DCLK2: variants seen among roughly 807,000 people sequenced by gnomAD.
DCLK2 encodes the protein doublecortin like kinase 2.
In DCLK2, 31 loss-of-function variants were observed where a neutral mutation model predicts 78.4. The ratio of observed to expected loss-of-function variants is 0.40; its 90% CI spans 0.30 to 0.53. DCLK2 has a LOEUF of 0.53. DCLK2 is among the 20% of genes least tolerant of loss of function. DCLK2 has a pLI of 0.61. For synonymous variants in DCLK2, 407 were observed against 374.9 expected, an observed-to-expected ratio of 1.09 and a Z score of -0.99; for missense variants, 872 against 973.7, an observed-to-expected ratio of 0.90 and a Z score of 1.39.
chr4:150,214,970 AAAG>A (rs1160197734), intron 5 of DCLK2, among the ~76,000 whole-genome samples: 22 of 145,682 alleles, frequency 1.5e-4, no homozygotes, highest in African/African-American at 4.5e-4. Context: ...AAAAAAAAAA[AAAG>A]AAAGAAAATG....
Position 150,078,567 on chromosome 4 carries a change from A to G in DCLK2, c.-461A>G, listed in dbSNP as rs1580454513. 1 of 150,926 alleles carries G rather than the reference A, an allele frequency of 6.6e-6. No individual in the cohort carries two copies. The highest frequency in any genetic ancestry group is 2.0e-4 in the East Asian group (1 of 5,084). The allele number at this position is 150,926 out of a possible 1,614,324, so 9.3% of individuals were successfully genotyped here. A position where few individuals can be genotyped will look rare whatever the true frequency, so the allele number is the denominator to read the frequency against. ...CGCGACTCCCCCGGGGGCCTCTCCC[A>G]CGCTCCGCGCCCCGCCCCACCCTTC... On this transcript the variant is annotated 5_prime_UTR_variant, in exon 1 of 16. Transcript: ENST00000296550.
chr4:150,248,375 C>T lies in DCLK2; in HGVS notation c.1946C>T (p.Pro649Leu). ...ACCGCGGGACAAATCCTGAGTCACC[C>T]CTGGGTGTCAGTAAGTACCCACATT... ...RCTAGQILSHPWVSDDASQEN... is the reference protein window; with the variant it reads ...RCTAGQILSHLWVSDDASQEN... Residue 649 changes from proline to leucine, a missense_variant, in exon 14 of 16, where the codon CCC becomes CTC. By Grantham distance (98) the Pro-to-Leu change is moderately conservative (BLOSUM62 -3). This residue lies in a region of DCLK2 where 219 missense variants were observed against 230.1 expected (regional missense o/e 0.95). Coordinates refer to ENST00000296550, the MANE Select transcript of DCLK2 (RefSeq NM_001040260.4). The T allele has an allele frequency of 6.2e-7, 1 of 1,613,784 alleles. No homozygotes were observed. The highest frequency in any genetic ancestry group is 8.5e-7 in the Non-Finnish European group (1 of 1,179,926).
rs142551871 is a variant in DCLK2 at position 150,115,613 on chromosome 4, A to G, written c.756+12801A>G. Among the ~76,000 whole-genome samples, 26 of 152,116 alleles carry G rather than the reference A, an allele frequency of 1.7e-4. No homozygotes were observed. In the East Asian group the frequency reaches 5.0e-3, roughly 29 times the overall value. ...TCTTGGTTCTTTCAGGGATGAAGAC[A>G]CTGTATGAGTTATTTGGTTATAGAG... On this transcript the variant is annotated intron_variant, in intron 2 of 15. Transcript: ENST00000296550.
chr4:150,195,215 C>T (rs28615470), intron 3 of DCLK2, among the ~76,000 whole-genome samples: 2 of 766 alleles, frequency 2.6e-3, no homozygotes, highest in East Asian at 0.016. Flanking sequence ...ATATTATATA[C>T]AATATTATAT....
At chr4:150,242,034 C>T (rs76217821) in intron 12 of DCLK2, among the ~76,000 whole-genome samples, 3,548 of 152,282 alleles carry the variant, frequency 0.023, 59 homozygotes, top group Middle Eastern at 0.041. Context: ...TCTTTTCCAT[C>T]CAACATTTTA....
intron 1 of DCLK2, among the ~76,000 whole-genome samples, chr4:150,091,897 A>G (rs1730107580): frequency 6.6e-6 from 1 of 152,136 alleles, no homozygotes; most frequent in South Asian, 2.1e-4. Context: ...ACAGTGTTGT[A>G]CAGCCGATCT....
chr4:150,249,767 A>C, intron 15 of DCLK2, 83 bp downstream of exon 15: 1 of 1,146,052 alleles, frequency 8.7e-7, no homozygotes, highest in Non-Finnish European at 1.3e-6. Flanking sequence ...CTGCCCTCAC[A>C]TGGAAGTTGG....
chr4:150,163,135 C>T (rs975790073), intron 2 of DCLK2, among the ~76,000 whole-genome samples: 4 of 152,110 alleles, frequency 2.6e-5, no homozygotes, highest in African/African-American at 7.2e-5. Flanking sequence ...CGGTGGCTCA[C>T]GCCTGTAATT....
intron 5 of DCLK2, among the ~76,000 whole-genome samples, chr4:150,204,645 A>G (rs1258092215): frequency 6.6e-6 from 1 of 152,182 alleles, no homozygotes; most frequent in Non-Finnish European, 1.5e-5. Flanking sequence ...TAATCCCAGC[A>G]CTTTGGGAGG....
intron 7 of DCLK2, among the ~76,000 whole-genome samples, chr4:150,222,430 A>G (rs889718623): frequency 6.6e-6 from 1 of 152,208 alleles, no homozygotes; most frequent in African/African-American, 2.4e-5. Context: ...GGTGTCAGGC[A>G]TTGTTCTCAG....
intron 11 of DCLK2, 111 bp downstream of exon 11, chr4:150,239,986 A>G (rs547701205): frequency 2.0e-6 from 2 of 1,019,908 alleles, no homozygotes; most frequent in Non-Finnish European, 2.8e-6. Context: ...TTTTGTTGCT[A>G]TTGCTGCTTG....
intron 1 of DCLK2, among the ~76,000 whole-genome samples, chr4:150,092,334 A>G (rs1234345756): frequency 6.6e-6 from 1 of 152,142 alleles, no homozygotes; most frequent in Non-Finnish European, 1.5e-5. Flanking sequence ...CCAAAGTACA[A>G]TTGCTAGATC....
intron 12 of DCLK2, among the ~76,000 whole-genome samples, chr4:150,244,662 G>A (rs755756438): frequency 9.9e-5 from 15 of 152,214 alleles, no homozygotes; most frequent in African/African-American, 2.4e-4. Flanking sequence ...ATGCGATACC[G>A]GATCCAGTGT....
intron 4 of DCLK2, chr4:150,199,050 C>G: frequency 6.3e-7 from 1 of 1,596,692 alleles, no homozygotes; most frequent in Non-Finnish European, 8.5e-7. Context: ...GCCACTACTC[C>G]AGTGCCTATT....
intron 2 of DCLK2, among the ~76,000 whole-genome samples, chr4:150,133,560 T>A (rs1428366150): frequency 1.3e-5 from 2 of 152,232 alleles, no homozygotes; most frequent in South Asian, 2.1e-4. Context: ...CAGGATATAG[T>A]ACATTCATAT....
In DCLK2 at chr4:150,107,457, G is replaced by A. The variant is rs573851143; in HGVS notation, c.756+4645G>A. On this transcript the variant is annotated intron_variant, in intron 2 of 15. Coordinates refer to ENST00000296550, the MANE Select transcript of DCLK2 (RefSeq NM_001040260.4). The stretch of plus-strand genomic sequence containing the variant: ...GCAATGGCGATCTCGGCTTACTGCA[G>A]CTTTGACCTCCTGGGCTCAAGTGAT... 3.4e-5 allele frequency among the ~76,000 whole-genome samples: 5 copies of A among 148,298 alleles called. No homozygotes were observed. The South Asian group carries it at 1.1e-3, about 32-fold the overall frequency.
At chr4:150,183,237 A>G (rs995662445) in intron 2 of DCLK2, among the ~76,000 whole-genome samples, 1 of 152,242 alleles carries the variant, frequency 6.6e-6, no homozygotes, top group African/African-American at 2.4e-5. Context: ...GAAAATGTCA[A>G]TAAAATAGCC....
At position 150,256,270 on chromosome 4, in the gene DCLK2, C is replaced by T. The variant is rs1311281902; in HGVS notation, c.*23C>T. Reference sequence around the variant, plus strand: ...TGAGCCTCCTGCAGACGGGCGAAGCCGCCTGCTGCAGCCCAGGAAGCCAGC... The same window carrying T: ...TGAGCCTCCTGCAGACGGGCGAAGCTGCCTGCTGCAGCCCAGGAAGCCAGC... On this transcript the variant is annotated 3_prime_UTR_variant, in exon 16 of 16. Coordinates refer to ENST00000296550, the MANE Select transcript of DCLK2 (RefSeq NM_001040260.4). 4.1e-6 allele frequency: 6 copies of T among 1,475,868 alleles called. No homozygotes were observed. Among genetic ancestry groups the T allele is most frequent in the East Asian group, 2.5e-5 (1 of 40,278 alleles). The allele number at this position is 1,475,868 out of a possible 1,614,324, so 91.4% of individuals were successfully genotyped here.
chr4:150,254,608 A>G (rs934877011), intron 15 of DCLK2, among the ~76,000 whole-genome samples: 12 of 152,324 alleles, frequency 7.9e-5, no homozygotes, highest in African/African-American at 2.9e-4. Context: ...AGGTGGGAGC[A>G]TCTTTTAGTG....
Sources: gnomAD v4.1 joint callset for allele counts (sites outside exome capture counted in the v4.1 genomes callset) on GRCh38, gnomAD v4.1.1 for gene constraint, gnomAD v4.1.1 regional missense constraint, MANE v1.5 for transcripts, NCBI Gene and HGNC (gene_info 2026-07-23, HGNC 2026-07-21) for gene names.